Variants in IMMP1L observed in about 807,000 individuals in gnomAD.
IMMP1L encodes the protein mitochondrial inner membrane protease subunit 1.
Under a neutral mutation model 21.8 loss-of-function variants are expected in IMMP1L, and 24 were observed. The ratio of observed to expected loss-of-function variants is 1.10; its 90% CI spans 0.80 to 1.55. The LOEUF (loss-of-function observed/expected upper bound fraction) is 1.55, where lower values mean the gene tolerates loss of function less well. IMMP1L is among the 40% of genes most tolerant of loss of function. IMMP1L has a pLI of 0.00. For missense variants in IMMP1L, 195 were observed against 200.7 expected, an observed-to-expected ratio of 0.97 and a Z score of 0.17; for synonymous variants, 46 against 62.8, an observed-to-expected ratio of 0.73 and a Z score of 1.26.
At chr11:31,451,211 C>T (rs1223117) in intron 4 of IMMP1L, among the ~76,000 whole-genome samples, 54,439 of 151,798 alleles carry the variant, frequency 0.36, 11,986 homozygotes, top group African/African-American at 0.62. Context: ...AGATGGGGAG[C>T]CACTGGGGTC....
chr11:31,472,869 TA>T (rs1413600772), intron 1 of IMMP1L, among the ~76,000 whole-genome samples: 4 of 151,882 alleles, frequency 2.6e-5, no homozygotes, highest in Non-Finnish European at 5.9e-5. Context: ...TTTATTTATT[TA>T]TTTATTTTTT....
chr11:31,443,105 T>C (rs1396325671), intron 4 of IMMP1L, among the ~76,000 whole-genome samples: 1 of 152,202 alleles, frequency 6.6e-6, no homozygotes, highest in Non-Finnish European at 1.5e-5. Context: ...TTATACCTAC[T>C]ATGTGGCCAC....
rs1450908208 is a variant in IMMP1L, at chr11:31,496,379, T to G, written c.-30+13140A>C. On this transcript the variant is annotated intron_variant, in intron 1 of 5. Coordinates refer to ENST00000532287, the MANE Select transcript of IMMP1L (RefSeq NM_001304274.2). ...AACCCTTCCGCACTCCTGGTGGGAATGCAAAATGGTACAGCCAATGTGGAA... is the reference window on the plus strand; with the variant it reads ...AACCCTTCCGCACTCCTGGTGGGAAGGCAAAATGGTACAGCCAATGTGGAA... 2.6e-5 allele frequency among the ~76,000 whole-genome samples: 4 copies of G among 152,160 alleles called. No homozygotes were observed. The East Asian group carries it at 5.8e-4, about 22-fold the overall frequency.
At chr11:31,452,335 TTTC>T (rs1255366742) in intron 4 of IMMP1L, 4 of 985,034 alleles carry the variant, frequency 4.1e-6, no homozygotes, top group African/African-American at 1.7e-5. Context: ...TATGAGTGCT[TTTC>T]TTCTTCTTTT....
At chr11:31,438,440 G>A (rs890425972) in intron 4 of IMMP1L, among the ~76,000 whole-genome samples, 4 of 151,982 alleles carry the variant, frequency 2.6e-5, no homozygotes, top group African/African-American at 9.7e-5. Context: ...GTCCTTTGAT[G>A]GGATTGCAAA....
chr11:31,488,535 T>A (rs1450303751), intron 1 of IMMP1L, among the ~76,000 whole-genome samples: 20 of 152,108 alleles, frequency 1.3e-4, no homozygotes, highest in Admixed American at 1.3e-3. Flanking sequence ...GTTAAATGAG[T>A]TGACAGGGCA....
At chr11:31,451,484 C>T (rs1044191163) in intron 4 of IMMP1L, among the ~76,000 whole-genome samples, 20 of 151,970 alleles carry the variant, frequency 1.3e-4, no homozygotes, top group African/African-American at 4.1e-4. Context: ...TGATTTGCTA[C>T]GGGATTGGAT....
At chr11:31,437,211 T>C (rs1953153998) in intron 4 of IMMP1L, 3 of 426,678 alleles carry the variant, frequency 7.0e-6, no homozygotes, top group Non-Finnish European at 1.4e-5. Flanking sequence ...TATTTGCATA[T>C]ACACGAGATA....
At chr11:31,507,565 G>A (rs2133847984) in intron 1 of IMMP1L, among the ~76,000 whole-genome samples, 1 of 152,272 alleles carries the variant, frequency 6.6e-6, no homozygotes, top group South Asian at 2.1e-4. Flanking sequence ...AAATAAGTCA[G>A]ACACAGAAAG....
At chr11:31,443,588 T>C (rs1366521106) in intron 4 of IMMP1L, among the ~76,000 whole-genome samples, 2 of 152,180 alleles carry the variant, frequency 1.3e-5, no homozygotes, top group Non-Finnish European at 1.5e-5. Flanking sequence ...GGAGTCCTGA[T>C]AGAAGTGTTT....
chr11:31,491,437 T>A (rs1288728657), intron 1 of IMMP1L, among the ~76,000 whole-genome samples: 1 of 152,180 alleles, frequency 6.6e-6, no homozygotes, highest in Non-Finnish European at 1.5e-5. Flanking sequence ...CAGTCCTTGT[T>A]GTAAAGTGGC....
intron 3 of IMMP1L, among the ~76,000 whole-genome samples, chr11:31,457,976 T>C (rs1954003794): frequency 6.6e-6 from 1 of 152,178 alleles, no homozygotes; most frequent in Admixed American, 6.5e-5. Flanking sequence ...TCTGTTCAGA[T>C]GAACAAATTT....
intron 4 of IMMP1L, among the ~76,000 whole-genome samples, chr11:31,444,478 G>A (rs984847795): frequency 2.0e-5 from 3 of 151,842 alleles, no homozygotes; most frequent in Non-Finnish European, 4.4e-5. Flanking sequence ...AATTAAAAAT[G>A]TACATTAATT....
intron 4 of IMMP1L, among the ~76,000 whole-genome samples, chr11:31,438,694 T>C (rs1953210023): frequency 1.3e-5 from 2 of 152,218 alleles, no homozygotes; most frequent in Admixed American, 1.3e-4. Flanking sequence ...GAAGTATTTG[T>C]TGCATCTGTT....
chr11:31,509,319 G>A, intron 1 of IMMP1L, 200 bp downstream of exon 1: 1 of 164,714 alleles, frequency 6.1e-6, no homozygotes, highest in South Asian at 1.4e-4. Context: ...AAAAGACATC[G>A]TGGGGAAGGC....
chr11:31,482,626 T>C (rs1198074694), intron 1 of IMMP1L, among the ~76,000 whole-genome samples: 1 of 151,818 alleles, frequency 6.6e-6, no homozygotes, highest in African/African-American at 2.4e-5. Context: ...TGGGGAAATA[T>C]AAAGTAAAAT....
chr11:31,496,724 T>C (rs1050666949), intron 1 of IMMP1L, among the ~76,000 whole-genome samples: 1 of 149,234 alleles, frequency 6.7e-6, no homozygotes, highest in Non-Finnish European at 1.5e-5. Context: ...TACATCCTAA[T>C]GCTAAATGAT....
At chr11:31,465,893 C>G (rs890282218) in intron 1 of IMMP1L, among the ~76,000 whole-genome samples, 3 of 151,744 alleles carry the variant, frequency 2.0e-5, no homozygotes, top group Admixed American at 2.0e-4. Context: ...GCTAAGAAAT[C>G]AAAAGAACAG....
intron 1 of IMMP1L, among the ~76,000 whole-genome samples, chr11:31,491,327 T>A (rs890984133): frequency 5.3e-5 from 8 of 152,150 alleles, no homozygotes. Context: ...ACATACATTA[T>A]CATGAACAGA....
Sources: gnomAD v4.1 joint callset for allele counts (sites outside exome capture counted in the v4.1 genomes callset) on GRCh38, gnomAD v4.1.1 for gene constraint, MANE v1.5 for transcripts, NCBI Gene and HGNC (gene_info 2026-07-23, HGNC 2026-07-21) for gene names.